The following GPM6B variants were observed in gnomAD, a reference collection of about 807,000 sequenced individuals.
The protein encoded by GPM6B is neuronal membrane glycoprotein M6-b.
A neutral mutation model predicts 27.2 loss-of-function variants in GPM6B; 4 were observed. The ratio of observed to expected loss-of-function variants is 0.15; its 90% CI spans 0.07 to 0.34. The LOEUF (loss-of-function observed/expected upper bound fraction) is 0.34. GPM6B is among the 10% of genes least tolerant of loss of function. The pLI is 1.00. For missense variants in GPM6B, 183 were observed against 261.9 expected (o/e 0.70, Z 2.08); for synonymous variants, 124 against 103.1 (o/e 1.20, Z -1.23).
chrX:13,860,850 T>G (rs1322272420), intron 1 of GPM6B, among the ~76,000 whole-genome samples: 2 of 108,745 alleles, frequency 1.8e-5, no homozygotes, highest in African/African-American at 6.7e-5. Flanking sequence ...TCCTCATAAC[T>G]TAGCTCCCAC....
chrX:13,788,920 G>T (rs151327877), intron 2 of GPM6B, among the ~76,000 whole-genome samples: 3 of 111,276 alleles, frequency 2.7e-5, no homozygotes, highest in Non-Finnish European at 5.7e-5. Context: ...GAATTTGGGG[G>T]ATCACTTCAA....
At chrX:13,877,545 A>T (rs914340371) in intron 1 of GPM6B, among the ~76,000 whole-genome samples, 12 of 110,489 alleles carry the variant, frequency 1.1e-4, no homozygotes, top group African/African-American at 4.0e-4. Flanking sequence ...AAAATGAACC[A>T]GGCACAGTGG....
intron 1 of GPM6B, among the ~76,000 whole-genome samples, chrX:13,868,351 CAG>C (rs1205017486): frequency 8.9e-6 from 1 of 111,794 alleles, no homozygotes; most frequent in Non-Finnish European, 1.9e-5. Flanking sequence ...AGTAAGATGA[CAG>C]AGTCTGTTTG....
At chrX:13,781,405 C>T (rs1332648111) in intron 4 of GPM6B, among the ~76,000 whole-genome samples, 1 of 112,144 alleles carries the variant, frequency 8.9e-6, no homozygotes, top group African/African-American at 3.2e-5. Context: ...AACAAGATAG[C>T]ACAAAGATAA....
intron 1 of GPM6B, among the ~76,000 whole-genome samples, chrX:13,828,345 G>T (rs867945620): frequency 9.0e-6 from 1 of 110,627 alleles, no homozygotes; most frequent in South Asian, 3.9e-4. Flanking sequence ...ATAAGAAGAG[G>T]AAGAGAGACC....
intron 2 of GPM6B, among the ~76,000 whole-genome samples, chrX:13,799,417 G>A (rs1236793992): frequency 9.6e-6 from 1 of 104,180 alleles, no homozygotes; most frequent in Non-Finnish European, 2.0e-5. Flanking sequence ...TTTTTTAGTA[G>A]AGATGGGGTT....
intron 1 of GPM6B, among the ~76,000 whole-genome samples, chrX:13,859,854 C>T (rs909812523): frequency 5.4e-5 from 6 of 111,652 alleles, no homozygotes; most frequent in African/African-American, 2.0e-4. Flanking sequence ...ACGATCCTAC[C>T]ACCCACAGAG....
intron 7 of GPM6B, chrX:13,774,657 TACAG>T (rs753354825): frequency 1.8e-6 from 2 of 1,094,117 alleles, no homozygotes; most frequent in South Asian, 3.7e-5. Context: ...GACAGTAAGA[TACAG>T]GCAGTGAGGG....
At chrX:13,862,863 T>A (rs756716894) in intron 1 of GPM6B, among the ~76,000 whole-genome samples, 78 of 28,011 alleles carry the variant, frequency 2.8e-3, no homozygotes, top group East Asian at 0.016. Flanking sequence ...ACTTTTGTGA[T>A]TTTTTTTTTT....
At chrX:13,854,392 C>G (rs1217903251) in intron 1 of GPM6B, among the ~76,000 whole-genome samples, 1 of 112,119 alleles carries the variant, frequency 8.9e-6, no homozygotes, top group East Asian at 2.8e-4. Flanking sequence ...AGAGAGAAAG[C>G]TGACAAGAGA....
chrX:13,865,152 T>C (rs999213189), intron 1 of GPM6B, among the ~76,000 whole-genome samples: 118 of 110,926 alleles, frequency 1.1e-3, no homozygotes, highest in Non-Finnish European at 5.9e-4. Flanking sequence ...GTGGCAAAGA[T>C]TGCATAGTGA....
Position 13,779,853 on chromosome X carries a change from C to T in GPM6B, c.662G>A (p.Gly221Asp), listed in dbSNP as rs1246998487. ...GATATCCACACAGATCTGCTCCACA[C>T]CCGTGGTCCCGTTGGTCTGCGGTGA... Reference protein sequence around the residue: ...IKSPQTNGTTGVEQICVDIRQ... With the variant: ...IKSPQTNGTTDVEQICVDIRQ... The change falls in exon 5 of 8, where the codon GGT (glycine) becomes GAT (aspartate). Residue 221 changes from glycine to aspartate, a missense_variant. By Grantham distance (94) the Gly-to-Asp change is moderately conservative. Coordinates refer to ENST00000316715, the MANE Select transcript of GPM6B (RefSeq NM_001001995.3). 4 of 1,192,071 alleles carry T rather than the reference C, an allele frequency of 3.4e-6. No homozygotes were observed. In the Admixed American group the frequency reaches 8.8e-5, roughly 26 times the overall value.
intron 1 of GPM6B, among the ~76,000 whole-genome samples, chrX:13,855,872 A>G (rs903320368): frequency 9.0e-6 from 1 of 111,544 alleles, no homozygotes; most frequent in African/African-American, 3.3e-5. Flanking sequence ...CCAAGCCACC[A>G]GTTCTAGTAC....
chrX:13,777,213 T>C, intron 6 of GPM6B, 139 bp downstream of exon 6: 1 of 479,592 alleles, frequency 2.1e-6, no homozygotes, highest in East Asian at 3.7e-5. Context: ...TGGTTACATA[T>C]AGCTCTATCT....
chrX:13,784,875 A>C (rs2048580962), intron 3 of GPM6B, among the ~76,000 whole-genome samples: 1 of 111,828 alleles, frequency 8.9e-6, no homozygotes, highest in South Asian at 3.8e-4. Context: ...TGGAAGAGTT[A>C]ATGTTAAAAT....
intron 1 of GPM6B, among the ~76,000 whole-genome samples, chrX:13,825,641 G>A (rs1230906844): frequency 8.9e-6 from 1 of 112,894 alleles, no homozygotes; most frequent in Non-Finnish European, 1.9e-5. Flanking sequence ...GCCTGGAATG[G>A]AAACCACTTT....
At chrX:13,793,958 A>C (rs1027082334) in intron 2 of GPM6B, among the ~76,000 whole-genome samples, 2 of 111,884 alleles carry the variant, frequency 1.8e-5, no homozygotes, top group African/African-American at 3.3e-5. Flanking sequence ...GAATATATTA[A>C]AAAACCTATT....
At chrX:13,891,360 C>T (rs747190821) in intron 1 of GPM6B, among the ~76,000 whole-genome samples, 1 of 111,117 alleles carries the variant, frequency 9.0e-6, no homozygotes, top group Non-Finnish European at 1.9e-5. Flanking sequence ...AAAAATAGTG[C>T]TTTCGGAGTC....
chrX:13,924,028 T>C (rs768497121), intron 1 of GPM6B, among the ~76,000 whole-genome samples: 55 of 112,258 alleles, frequency 4.9e-4, no homozygotes, highest in Non-Finnish European at 8.6e-4. Context: ...TCCGTAACGT[T>C]TTCCACATGG....
Sources: allele counts gnomAD v4.1 joint callset (sites outside exome capture counted in the v4.1 genomes callset), GRCh38; gene constraint gnomAD v4.1.1; transcripts MANE v1.5; gene names NCBI Gene and HGNC (gene_info 2026-07-23, HGNC 2026-07-21).